CAPN9: variants seen among roughly 807,000 people sequenced by gnomAD.
CAPN9 encodes the protein calpain-9.
A neutral mutation model predicts 92.8 loss-of-function variants in CAPN9; 81 were observed. That is an observed-to-expected ratio of 0.87 (90% CI 0.73 to 1.05). The LOEUF (loss-of-function observed/expected upper bound fraction) is 1.05. Ranked by LOEUF, CAPN9 falls within the 50% of genes least tolerant of loss-of-function variation. CAPN9 has a pLI of 0.00. For missense variants in CAPN9, 848 were observed against 866.2 expected (o/e 0.98, Z 0.26); for synonymous variants, 304 against 328.0 (o/e 0.93, Z 0.79).
Position 230,762,705 on chromosome 1 carries a change from C to T in CAPN9, c.455C>T (p.Thr152Ile). 2 of 1,614,210 alleles carry T rather than the reference C, an allele frequency of 1.2e-6. No individual in the cohort carries two copies. Among genetic ancestry groups the T allele is most frequent in the African/African-American group, 2.7e-5 (2 of 75,058 alleles). The change falls in exon 4 of 20, where the codon ACC becomes ATC. Residue 152 changes from threonine to isoleucine, a missense_variant. Physicochemically the swap from Thr to Ile is moderately conservative, Grantham distance 89. Transcript: ENST00000271971. ...LDVVIDDRLP[T>I]FRDRLVFLHS... is the part of the protein sequence containing the mutation. ...GTGGTGATCGATGACCGCCTGCCCA[C>T]CTTCAGGGACCGCTTGGTTTTCCTC... is the stretch of plus-strand genomic sequence containing the variant.
At chr1:230,754,452 G>A (rs1327441636) in intron 1 of CAPN9, among the ~76,000 whole-genome samples, 10 of 151,842 alleles carry the variant, frequency 6.6e-5, no homozygotes. Flanking sequence ...TGAGAGATGT[G>A]TGCATATCTC....
chr1:230,778,831 C>G, intron 8 of CAPN9, 142 bp from the exon 9 acceptor site: 1 of 698,782 alleles, frequency 1.4e-6, no homozygotes, highest in Non-Finnish European at 2.3e-6. Context: ...TTTTCCATCT[C>G]CCCACACTTT....
At chr1:230,770,106 C>T (rs1000342086) in intron 6 of CAPN9, among the ~76,000 whole-genome samples, 4 of 152,096 alleles carry the variant, frequency 2.6e-5, no homozygotes, top group African/African-American at 7.2e-5. Flanking sequence ...ACCTGTAATA[C>T]GATTTATTGT....
chr1:230,779,011 T>G lies in CAPN9; in HGVS notation c.992T>G (p.Val331Gly). The change falls in exon 9 of 20, where the codon GTG becomes GGG. Residue 331 changes from valine (V) to glycine (G), a missense_variant. Coordinates refer to ENST00000271971, the MANE Select transcript of CAPN9 (RefSeq NM_006615.3). Reference protein sequence around the residue: ...FKDFKAHFDKVEICNLTPDAL... With the variant: ...FKDFKAHFDKGEICNLTPDAL... ...GACTTCAAGGCCCACTTTGATAAAG[T>G]GGAGATCTGCAACCTCACTCCCGAT... 6.2e-7 allele frequency: 1 copy of G among 1,613,858 alleles called. No homozygotes were observed.
chr1:230,782,272 T>C (rs1667275012), intron 11 of CAPN9, among the ~76,000 whole-genome samples: 1 of 152,210 alleles, frequency 6.6e-6, no homozygotes, highest in Admixed American at 6.5e-5. Flanking sequence ...TAACAAAAAT[T>C]CACACTGAGC....
At chr1:230,776,394 T>G (rs1330597646) in intron 8 of CAPN9, 1 of 152,230 alleles carries the variant, frequency 6.6e-6, no homozygotes, top group Non-Finnish European at 1.5e-5. Context: ...AAACATTCAG[T>G]CCATAACAAC....
chr1:230,754,505 C>T (rs2102835081), intron 1 of CAPN9, among the ~76,000 whole-genome samples: 1 of 151,876 alleles, frequency 6.6e-6, no homozygotes, highest in South Asian at 2.1e-4. Context: ...CTAAGCGCAT[C>T]TCTGTAAAAA....
chr1:230,780,091 T>C (rs1043455486), intron 9 of CAPN9, 88 bp from the exon 10 acceptor site: 83 of 453,836 alleles, frequency 1.8e-4, no homozygotes, highest in Non-Finnish European at 2.7e-4. Flanking sequence ...CGTGTGTGTG[T>C]GTGTGTGTGT....
At chr1:230,747,977 G>C (rs550204925) in intron 1 of CAPN9, among the ~76,000 whole-genome samples, 12 of 152,190 alleles carry the variant, frequency 7.9e-5, no homozygotes, top group Non-Finnish European at 1.6e-4. Flanking sequence ...TGAGGACCTG[G>C]AGTCAGAGTG....
At position 230,774,611 on chromosome 1, in the gene CAPN9, T is replaced by C. The variant is rs1666615439; in HGVS notation, c.933T>C (p.Ala311=). The change falls in exon 8 of 20, where the codon GCT becomes GCC. Residue 311 remains alanine (A), a synonymous_variant. Transcript: ENST00000271971. The part of the protein sequence containing the change: ...PAEQKRLCHT[A]LDDGEFWMAF... ...AGCAGAAGCGTCTGTGTCACACTGC[T>C]CTGGATGATGGGGAATTCTGGTACC... 6.2e-7 allele frequency: 1 copy of C among 1,613,732 alleles called. No individual in the cohort carries two copies. The highest frequency in any genetic ancestry group is 1.3e-5 in the African/African-American group (1 of 74,910).
intron 7 of CAPN9, among the ~76,000 whole-genome samples, chr1:230,773,131 A>T (rs1666499927): frequency 6.6e-6 from 1 of 152,174 alleles, no homozygotes; most frequent in Non-Finnish European, 1.5e-5. Flanking sequence ...GACATGGTGC[A>T]GCCGCTGCTG....
chr1:230,792,464 A>C lies in CAPN9; in HGVS notation c.1761A>C (p.Lys587Asn), dbSNP rs765673325. 3 of 1,613,992 alleles carry C rather than the reference A, an allele frequency of 1.9e-6. No individual in the cohort carries two copies. Among genetic ancestry groups the C allele is most frequent in the Non-Finnish European group, 2.5e-6 (3 of 1,179,970 alleles). ...GGAAGCTGGAGTTTGATGAATTCAA[A>C]GTGTTCTGGGACAAGCTGAAGCAGT... ...GNGKLEFDEF[K>N]VFWDKLKQWI... The change falls in exon 16 of 20, where the codon AAA becomes AAC. Residue 587 changes from lysine to asparagine, a missense_variant. Coordinates refer to ENST00000271971, the MANE Select transcript of CAPN9 (RefSeq NM_006615.3).
chr1:230,768,233 CTAAT>C (rs758577716), intron 5 of CAPN9, among the ~76,000 whole-genome samples: 1 of 151,956 alleles, frequency 6.6e-6, no homozygotes, highest in Admixed American at 6.6e-5. Flanking sequence ...GACCCTGTCT[CTAAT>C]AAATAAATAA....
At chr1:230,764,657 TGC>T (rs1315605443) in intron 4 of CAPN9, among the ~76,000 whole-genome samples, 5 of 152,266 alleles carry the variant, frequency 3.3e-5, no homozygotes, top group Non-Finnish European at 5.9e-5. Flanking sequence ...ATGCTCTAGT[TGC>T]TAAAATTGTT....
At chr1:230,768,328 T>C (rs977137872) in intron 5 of CAPN9, among the ~76,000 whole-genome samples, 2 of 152,124 alleles carry the variant, frequency 1.3e-5, no homozygotes, top group African/African-American at 2.4e-5. Flanking sequence ...GGAACAATCT[T>C]GAGGCCCATA....
At chr1:230,762,211 G>A (rs1056129882) in intron 3 of CAPN9, among the ~76,000 whole-genome samples, 11 of 152,202 alleles carry the variant, frequency 7.2e-5, no homozygotes, top group African/African-American at 2.7e-4. Context: ...GCAAGGTTAA[G>A]GAAAATTGGA....
chr1:230,787,926 G>A (rs1226512910), intron 13 of CAPN9, among the ~76,000 whole-genome samples: 1 of 152,160 alleles, frequency 6.6e-6, no homozygotes, highest in Non-Finnish European at 1.5e-5. Flanking sequence ...TATAAGCCTA[G>A]CTCACTGCAG....
chr1:230,759,446 C>A, intron 2 of CAPN9, 66 bp from the exon 3 acceptor site: 1 of 1,169,238 alleles, frequency 8.6e-7, no homozygotes, highest in Non-Finnish European at 1.2e-6. Flanking sequence ...CCCCTTCTGA[C>A]ACAGAGTTTT....
At chr1:230,780,450 A>T (rs760739772) in intron 10 of CAPN9, 50 bp from the exon 11 acceptor site, 31 of 1,605,490 alleles carry the variant, frequency 1.9e-5, no homozygotes, top group Non-Finnish European at 2.6e-5. Context: ...GTGTCCGAAA[A>T]GCCAAGAGGA....
Sources: gnomAD v4.1 joint callset for allele counts (sites outside exome capture counted in the v4.1 genomes callset) on GRCh38, gnomAD v4.1.1 for gene constraint, MANE v1.5 for transcripts, NCBI Gene and HGNC (gene_info 2026-07-23, HGNC 2026-07-21) for gene names.